Variants in DNTT observed in about 807,000 individuals in gnomAD.
The protein encoded by DNTT is DNA nucleotidylexotransferase.
DNTT carries 47 observed loss-of-function variants against 60.9 expected under a neutral mutation model. The ratio of observed to expected loss-of-function variants is 0.77; its 90% confidence interval spans 0.61 to 0.98. The LOEUF (loss-of-function observed/expected upper bound fraction) is 0.98, where lower values mean the gene tolerates loss of function less well. Among genes scored for constraint, DNTT ranks in the 50% least tolerant of loss-of-function variants. The pLI, the probability that DNTT is intolerant of heterozygous loss-of-function variation, is 0.00. For missense variants in DNTT, 665 were observed against 627.5 expected (o/e 1.06, Z -0.64); for synonymous variants, 224 against 221.2 (o/e 1.01, Z -0.11).
At position 96,320,918 on chromosome 10, in the gene DNTT, T is replaced by TA. The variant is rs1303536228; in HGVS notation, c.678+131dup. ...TACATCACAAATTTTCCTTTATACATATTCCTCTCTCTCTCCTCTGTCTCT... is the reference window on the plus strand; with the variant it reads ...TACATCACAAATTTTCCTTTATACATAATTCCTCTCTCTCTCCTCTGTCTCT... On this transcript the variant is annotated intron_variant, in intron 4 of 10. Coordinates refer to ENST00000371174, the MANE Select transcript of DNTT (RefSeq NM_004088.4). 7.6e-6 allele frequency: 8 copies of TA among 1,059,148 alleles called. No homozygotes were observed. The Admixed American group carries it at 1.9e-4, about 26-fold the overall frequency. The allele number at this position is 1,059,148 out of a possible 1,614,324, so 65.6% of individuals were successfully genotyped here. A position where few individuals can be genotyped will look rare whatever the true frequency, so the allele number is the denominator to read the frequency against.
intron 1 of DNTT, among the ~76,000 whole-genome samples, chr10:96,312,774 A>G (rs1844736207): frequency 6.6e-6 from 1 of 152,202 alleles, no homozygotes; most frequent in Non-Finnish European, 1.5e-5. Context: ...CTCAGGTGCA[A>G]TTCTCCAGGA....
chr10:96,316,077 G>A (rs1231970147), intron 1 of DNTT, among the ~76,000 whole-genome samples: 1 of 152,030 alleles, frequency 6.6e-6, no homozygotes, highest in African/African-American at 2.4e-5. Flanking sequence ...ATTTTAATTT[G>A]GATCTCCTGC....
At position 96,320,475 on chromosome 10, in the gene DNTT, G is replaced by C. The variant is rs2273892; in HGVS notation, c.508-143G>C. 2.8e-5 allele frequency: 24 copies of C among 847,372 alleles called. No homozygotes were observed. The Middle Eastern group carries it at 5.0e-3, about 177-fold the overall frequency. 52.5% of individuals were successfully genotyped at this position (847,372 alleles called of 1,614,324 possible). On this transcript the variant is annotated intron_variant, in intron 3 of 10. Coordinates refer to ENST00000371174, the MANE Select transcript of DNTT (RefSeq NM_004088.4). Reference sequence around the variant, plus strand: ...CCATGACACCAGAGAGGCATACAAGGGTATGGGAGACCCCATCCTGACCTA... The same window carrying C: ...CCATGACACCAGAGAGGCATACAAGCGTATGGGAGACCCCATCCTGACCTA...
intron 1 of DNTT, among the ~76,000 whole-genome samples, chr10:96,314,606 G>T (rs943814226): frequency 3.3e-5 from 5 of 151,142 alleles, no homozygotes; most frequent in African/African-American, 1.2e-4. Flanking sequence ...TAGAGACAGG[G>T]TTTCACCGTG....
At chr10:96,309,468 A>G (rs1193108557) in intron 1 of DNTT, among the ~76,000 whole-genome samples, 2 of 149,618 alleles carry the variant, frequency 1.3e-5, no homozygotes, top group African/African-American at 5.1e-5. Flanking sequence ...TTTTCTTTAA[A>G]AAAAAAAAAA....
intron 3 of DNTT, 60 bp from the exon 4 acceptor site, chr10:96,320,558 G>A (rs1844856618): frequency 1.9e-6 from 3 of 1,587,028 alleles, no homozygotes; most frequent in African/African-American, 2.7e-5. Context: ...GCGTTTGTGA[G>A]TGACCACTGG....
intron 1 of DNTT, among the ~76,000 whole-genome samples, chr10:96,307,343 GTTTTTTTTTTTTT>G (rs533516556): frequency 5.9e-5 from 4 of 67,596 alleles, no homozygotes; most frequent in African/African-American, 1.9e-4. Flanking sequence ...GGGTTTTCCA[GTTTTTTTTTTTTT>G]TTTTTTTTTT....
At chr10:96,327,439 C>T in intron 6 of DNTT, 29 bp from the exon 7 acceptor site, 1 of 1,613,984 alleles carries the variant, frequency 6.2e-7, no homozygotes, top group Non-Finnish European at 8.5e-7. Flanking sequence ...GTGTCACTCT[C>T]TCCATTGACC....
intron 9 of DNTT, among the ~76,000 whole-genome samples, chr10:96,333,014 T>G (rs536512200): frequency 1.3e-5 from 2 of 152,072 alleles, no homozygotes; most frequent in South Asian, 2.1e-4. Context: ...AGGAAACAAT[T>G]AATAAAGTGG....
At chr10:96,307,689 A>T (rs1230946447) in intron 1 of DNTT, among the ~76,000 whole-genome samples, 1 of 109,204 alleles carries the variant, frequency 9.2e-6, no homozygotes, top group African/African-American at 3.8e-5. Flanking sequence ...ATATATATGT[A>T]TGTGTGTGTG....
chr10:96,325,248 C>T (rs1844926463), intron 6 of DNTT, among the ~76,000 whole-genome samples: 1 of 152,060 alleles, frequency 6.6e-6, no homozygotes, highest in African/African-American at 2.4e-5. Flanking sequence ...TGTAAAGTTG[C>T]TAATCTTTGA....
intron 1 of DNTT, among the ~76,000 whole-genome samples, chr10:96,305,347 C>T (rs145713651): frequency 3.3e-5 from 5 of 152,204 alleles, no homozygotes; most frequent in East Asian, 3.9e-4. Flanking sequence ...GGCAAGGAGG[C>T]GATAGAAGCA....
intron 9 of DNTT, among the ~76,000 whole-genome samples, chr10:96,333,068 A>G (rs1006752228): frequency 6.6e-6 from 1 of 152,248 alleles, no homozygotes; most frequent in African/African-American, 2.4e-5. Flanking sequence ...CACATCATAC[A>G]TCACATAAGG....
chr10:96,332,942 T>A (rs1845025562), intron 9 of DNTT, among the ~76,000 whole-genome samples: 1 of 152,168 alleles, frequency 6.6e-6, no homozygotes. Flanking sequence ...CTTCTAGGTG[T>A]TTCTGATGCA....
intron 8 of DNTT, among the ~76,000 whole-genome samples, chr10:96,330,534 T>G (rs1844995031): frequency 6.6e-6 from 1 of 152,222 alleles, no homozygotes. Context: ...ATCTACCACC[T>G]CCTCCAGAGG....
At chr10:96,306,334 C>T (rs989508188) in intron 1 of DNTT, among the ~76,000 whole-genome samples, 4 of 152,112 alleles carry the variant, frequency 2.6e-5, no homozygotes, top group African/African-American at 9.7e-5. Context: ...CTTTGTAATC[C>T]GCCTGCCTTG....
chr10:96,331,071 A>C (rs989684560), intron 8 of DNTT, among the ~76,000 whole-genome samples: 1 of 152,162 alleles, frequency 6.6e-6, no homozygotes, highest in Non-Finnish European at 1.5e-5. Flanking sequence ...GATTGGGCAC[A>C]TCTTAGAATC....
intron 1 of DNTT, 115 bp from the exon 2 acceptor site, chr10:96,318,237 A>C: frequency 8.3e-7 from 1 of 1,199,206 alleles, no homozygotes; most frequent in Non-Finnish European, 1.2e-6. Flanking sequence ...ACCTATGGTT[A>C]GGTCTAGCAT....
rs183220967 is a variant in DNTT at position 96,316,583 on chromosome 10, A to G, written c.204-1769A>G. ...CAGCCACATCTACAATTACTTCCCA[A>G]TATAAACTCTCCACTCCAACCCAGG... On this transcript the variant is annotated intron_variant, in intron 1 of 10. Transcript: ENST00000371174. Among the ~76,000 whole-genome samples, 352 of 152,196 alleles carry G rather than the reference A, an allele frequency of 2.3e-3. 1 individual carries two copies. The highest frequency in any genetic ancestry group is 4.0e-3 in the Non-Finnish European group (274 of 67,988).
Sources: gnomAD v4.1 joint callset for allele counts (sites outside exome capture counted in the v4.1 genomes callset) on GRCh38, gnomAD v4.1.1 for gene constraint, MANE v1.5 for transcripts, NCBI Gene and HGNC (gene_info 2026-07-23, HGNC 2026-07-21) for gene names.